The following PTPRD variants were observed in gnomAD, a reference collection of about 807,000 sequenced individuals.
The protein encoded by PTPRD is receptor-type tyrosine-protein phosphatase delta.
PTPRD carries 34 observed loss-of-function variants against 214.5 expected under a neutral mutation model. The ratio of observed to expected loss-of-function variants is 0.16; its 90% CI spans 0.12 to 0.21. PTPRD has a LOEUF of 0.21. Among genes scored for constraint, PTPRD ranks in the 10% least tolerant of loss-of-function variants. PTPRD has a pLI of 1.00. For missense variants in PTPRD, 2,545 were observed against 2,398.7 expected (o/e 1.06, Z -1.27); for synonymous variants, 1,128 against 845.7 (o/e 1.33, Z -5.79).
intron 11 of PTPRD, among the ~76,000 whole-genome samples, chr9:8,826,146 C>T (rs1396788123): frequency 6.6e-6 from 1 of 152,054 alleles, no homozygotes. Context: ...AATCTTCCTC[C>T]TCCTCCACAC....
At chr9:10,500,760 T>A (rs2043424873) in intron 2 of PTPRD, among the ~76,000 whole-genome samples, 2 of 151,930 alleles carry the variant, frequency 1.3e-5, no homozygotes, top group South Asian at 4.1e-4. Flanking sequence ...ATTCAATTGT[T>A]TTAATTTTTA....
chr9:9,456,297 A>G (rs992037255), intron 8 of PTPRD, among the ~76,000 whole-genome samples: 1 of 151,756 alleles, frequency 6.6e-6, no homozygotes, highest in Non-Finnish European at 1.5e-5. Context: ...ACAAACCCCA[A>G]TGTCTGCTGA....
At chr9:8,500,696 G>C (rs1215748032) in intron 24 of PTPRD, 58 bp downstream of exon 24, 1 of 1,498,770 alleles carries the variant, frequency 6.7e-7, no homozygotes, top group Non-Finnish European at 9.1e-7. Flanking sequence ...CCTATTGAAA[G>C]ACAGCAGATC....
At chr9:9,777,070 T>C (rs765453751) in intron 5 of PTPRD, among the ~76,000 whole-genome samples, 9 of 152,182 alleles carry the variant, frequency 5.9e-5, no homozygotes, top group Admixed American at 3.3e-4. Flanking sequence ...CATGTACAAC[T>C]TTACATTTTG....
At chr9:8,748,777 G>A (rs12553655) in intron 11 of PTPRD, among the ~76,000 whole-genome samples, 4,283 of 152,164 alleles carry the variant, frequency 0.028, 79 homozygotes, top group African/African-American at 0.054. Context: ...CAGGCATGGT[G>A]GCGCATGCCT....
chr9:10,292,220 T>C (rs2095547277), intron 3 of PTPRD, among the ~76,000 whole-genome samples: 1 of 152,030 alleles, frequency 6.6e-6, no homozygotes, highest in Non-Finnish European at 1.5e-5. Flanking sequence ...TGAATCTATT[T>C]TTCTCTCACA....
At chr9:9,726,774 A>G (rs10759091) in intron 7 of PTPRD, among the ~76,000 whole-genome samples, 34,947 of 152,122 alleles carry the variant, frequency 0.23, 4,969 homozygotes, top group South Asian at 0.32. Context: ...AATGATACAC[A>G]GGCTCAGGCA....
chr9:10,494,688 T>G (rs1283440841), intron 2 of PTPRD, among the ~76,000 whole-genome samples: 2 of 151,142 alleles, frequency 1.3e-5, no homozygotes, highest in African/African-American at 4.8e-5. Context: ...TTAAAAAAAT[T>G]TTCTATTACG....
At chr9:9,850,107 C>A (rs1015015789) in intron 5 of PTPRD, among the ~76,000 whole-genome samples, 5 of 152,098 alleles carry the variant, frequency 3.3e-5, no homozygotes, top group African/African-American at 1.2e-4. Context: ...AGATCCACCA[C>A]CCAAATCACT....
chr9:8,520,614 A>C (rs568500626), intron 20 of PTPRD, among the ~76,000 whole-genome samples: 17 of 152,312 alleles, frequency 1.1e-4, no homozygotes, highest in Non-Finnish European at 2.2e-4. Flanking sequence ...AGGGGAAAAA[A>C]AAACGGTACC....
At chr9:10,295,992 A>T (rs963024854) in intron 3 of PTPRD, among the ~76,000 whole-genome samples, 7 of 152,094 alleles carry the variant, frequency 4.6e-5, no homozygotes, top group African/African-American at 1.7e-4. Context: ...TTCCTTACAG[A>T]CAGTGATTCT....
At chr9:10,231,734 T>A (rs531546252) in intron 3 of PTPRD, among the ~76,000 whole-genome samples, 33 of 152,088 alleles carry the variant, frequency 2.2e-4, no homozygotes, top group African/African-American at 7.2e-4. Context: ...TTGAAAATTA[T>A]TGAAAGAAAT....
In PTPRD at chr9:9,561,037, G is replaced by T. The variant is rs557200823; in HGVS notation, c.-237+13695C>A. 3.9e-5 allele frequency among the ~76,000 whole-genome samples: 6 copies of T among 152,248 alleles called. No homozygotes were observed. In the East Asian group the frequency reaches 1.2e-3, roughly 29 times the overall value. On this transcript the variant is annotated intron_variant, in intron 8 of 45. Coordinates refer to ENST00000381196, the MANE Select transcript of PTPRD (RefSeq NM_002839.4). ...GCCATGTCAAGCCATGTTGAGCCGA[G>T]CTGAGCCCCAAGAGCCAAGCAAGCC...
chr9:9,184,563 A>G (rs760969435), intron 9 of PTPRD, among the ~76,000 whole-genome samples: 16 of 152,098 alleles, frequency 1.1e-4, no homozygotes, highest in Admixed American at 6.6e-5. Context: ...CACCCTGACT[A>G]GGACATCTAT....
At chr9:8,490,007 G>C (rs1054793295) in intron 27 of PTPRD, among the ~76,000 whole-genome samples, 3 of 152,196 alleles carry the variant, frequency 2.0e-5, no homozygotes, top group African/African-American at 7.2e-5. Context: ...GCAATCTGTG[G>C]AGTCAGGTTT....
At chr9:9,706,478 C>A (rs1274160270) in intron 7 of PTPRD, among the ~76,000 whole-genome samples, 1 of 150,906 alleles carries the variant, frequency 6.6e-6, no homozygotes, top group Admixed American at 6.6e-5. Flanking sequence ...TCACTCTGGT[C>A]TCACAGGCTG....
At chr9:9,904,806 C>T (rs549490290) in intron 5 of PTPRD, among the ~76,000 whole-genome samples, 10 of 152,014 alleles carry the variant, frequency 6.6e-5, no homozygotes, top group East Asian at 3.9e-4. Context: ...AGACATTCAC[C>T]GAAGTTTTGT....
At chr9:9,667,029 T>G (rs1404323195) in intron 7 of PTPRD, among the ~76,000 whole-genome samples, 1 of 152,078 alleles carries the variant, frequency 6.6e-6, no homozygotes, top group African/African-American at 2.4e-5. Context: ...ACCCTCAAAG[T>G]GCAAACATAA....
chr9:8,822,166 C>T (rs886531745), intron 11 of PTPRD, among the ~76,000 whole-genome samples: 1 of 152,132 alleles, frequency 6.6e-6, no homozygotes. Context: ...AGGGGCTACA[C>T]CCTTCTTATG....
Sources: allele counts gnomAD v4.1 joint callset (sites outside exome capture counted in the v4.1 genomes callset), GRCh38; gene constraint gnomAD v4.1.1; transcripts MANE v1.5; gene names NCBI Gene and HGNC (gene_info 2026-07-23, HGNC 2026-07-21).